NDRG1: variants seen among roughly 807,000 people sequenced by gnomAD.
The protein encoded by NDRG1 is protein NDRG1.
Under a neutral mutation model 56.9 loss-of-function variants are expected in NDRG1, and 32 were observed. The observed-to-expected ratio is 0.56, with a 90% CI of 0.42 to 0.76. The LOEUF (loss-of-function observed/expected upper bound fraction) is 0.76, where lower values mean the gene tolerates loss of function less well. NDRG1 is among the 30% of genes least tolerant of loss of function. The pLI is 0.00. For missense variants in NDRG1, 507 were observed against 545.7 expected (o/e 0.93, Z 0.71); for synonymous variants, 211 against 204.1 (o/e 1.03, Z -0.29).
intron 13 of NDRG1, 72 bp from the exon 14 acceptor site, chr8:133,244,462 G>A (rs1196740094): frequency 3.8e-5 from 60 of 1,580,380 alleles, no homozygotes; most frequent in East Asian, 4.5e-5. Flanking sequence ...AATTTTTTCC[G>A]AAAGGATGCC....
chr8:133,257,253 ATTAC>A (rs1187441708), intron 7 of NDRG1, among the ~76,000 whole-genome samples: 4 of 151,834 alleles, frequency 2.6e-5, no homozygotes, highest in Admixed American at 6.6e-5. Flanking sequence ...TAACAACTGT[ATTAC>A]TTACTTCCAG....
intron 3 of NDRG1, among the ~76,000 whole-genome samples, chr8:133,267,238 G>A (rs1563630425): frequency 1.3e-5 from 2 of 152,144 alleles, no homozygotes; most frequent in South Asian, 2.1e-4. Context: ...CACTTCACTC[G>A]CCTGCCCTGG....
Position 133,277,530 on chromosome 8 carries a change from A to G in NDRG1, c.99+2702T>C, listed in dbSNP as rs1857518813. ...TGCAGTGAGCCAAGATCGCACCACT[A>G]CACTCCAGCCTGGATGACAGAGCAA... On this transcript the variant is annotated intron_variant, in intron 3 of 15. Transcript: ENST00000323851. Among the ~76,000 whole-genome samples the G allele has an allele frequency of 1.3e-5, 2 of 152,146 alleles. 1 individual carries two copies. Among genetic ancestry groups the G allele is most frequent in the African/African-American group, 4.8e-5 (2 of 41,430 alleles).
chr8:133,244,421 A>G (rs758842928), intron 13 of NDRG1, 31 bp from the exon 14 acceptor site: 3 of 1,614,112 alleles, frequency 1.9e-6, no homozygotes, highest in Middle Eastern at 1.6e-4. Flanking sequence ...TTAGTGCCAA[A>G]CACCACAGCC....
intron 2 of NDRG1, among the ~76,000 whole-genome samples, chr8:133,283,049 C>G (rs1857903125): frequency 6.6e-6 from 1 of 152,208 alleles, no homozygotes; most frequent in African/African-American, 2.4e-5. Flanking sequence ...AACAGAGCAG[C>G]CACATGTAGA....
At chr8:133,276,118 T>G (rs985944034) in intron 3 of NDRG1, among the ~76,000 whole-genome samples, 54 of 152,188 alleles carry the variant, frequency 3.5e-4, no homozygotes, top group Admixed American at 3.5e-3. Context: ...TGCACAATGC[T>G]GGGAAATCTT....
chr8:133,278,887 C>A (rs1039339401), intron 3 of NDRG1, among the ~76,000 whole-genome samples: 1 of 125,614 alleles, frequency 8.0e-6, no homozygotes. Context: ...CTCTCTTCTT[C>A]TTTTTTTTTT....
At chr8:133,291,681 G>A (rs1352303623) in intron 1 of NDRG1, among the ~76,000 whole-genome samples, 2 of 152,176 alleles carry the variant, frequency 1.3e-5, no homozygotes. Context: ...ACAAATGTCA[G>A]AGAACAAAAC....
intron 1 of NDRG1, among the ~76,000 whole-genome samples, chr8:133,296,218 G>A (rs1176059639): frequency 1.3e-5 from 2 of 151,616 alleles, no homozygotes; most frequent in Admixed American, 6.6e-5. Context: ...TTCCCCCGTG[G>A]AGGGCAGGAG....
At chr8:133,286,766 C>G (rs1858138297) in intron 1 of NDRG1, among the ~76,000 whole-genome samples, 1 of 152,142 alleles carries the variant, frequency 6.6e-6, no homozygotes, top group East Asian at 1.9e-4. Context: ...ATTTATTGTC[C>G]CCCAAATGAT....
intron 4 of NDRG1, 146 bp from the exon 5 acceptor site, chr8:133,262,313 TG>T (rs1856701365): frequency 9.0e-7 from 1 of 1,105,534 alleles, no homozygotes; most frequent in African/African-American, 1.6e-5. Context: ...TGGCGTTTTT[TG>T]TTTTTTGGTT....
At chr8:133,261,691 G>C (rs1157285493) in intron 5 of NDRG1, among the ~76,000 whole-genome samples, 1 of 152,132 alleles carries the variant, frequency 6.6e-6, no homozygotes, top group Non-Finnish European at 1.5e-5. Flanking sequence ...TCCTGTCCAG[G>C]CTGAGCACAC....
At chr8:133,246,279 C>G (rs1855674536) in intron 13 of NDRG1, among the ~76,000 whole-genome samples, 1 of 152,220 alleles carries the variant, frequency 6.6e-6, no homozygotes, top group Non-Finnish European at 1.5e-5. Flanking sequence ...GGACACGTCT[C>G]TTCTTATTGT....
chr8:133,257,652 T>C (rs1200878870), intron 7 of NDRG1, among the ~76,000 whole-genome samples: 1 of 152,230 alleles, frequency 6.6e-6, no homozygotes, highest in East Asian at 1.9e-4. Flanking sequence ...CAGTCTGTCA[T>C]TGACCAAAAT....
chr8:133,258,271 T>C lies in NDRG1; in HGVS notation c.450+95A>G. 3 of 1,302,100 alleles carry C rather than the reference T, an allele frequency of 2.3e-6. No homozygotes were observed. In the South Asian group the frequency reaches 3.8e-5, roughly 17 times the overall value. The allele number at this position is 1,302,100 out of a possible 1,614,324, so 80.7% of individuals were successfully genotyped here. On this transcript the variant is annotated intron_variant, in intron 7 of 15. Coordinates refer to ENST00000323851, the MANE Select transcript of NDRG1 (RefSeq NM_006096.4). The stretch of plus-strand genomic sequence containing the variant: ...ACTGTGGAGAATACGGGTCATTTCT[T>C]TTTCCCTTTTGGGTTTTTGATGCTT...
At chr8:133,285,194 T>C (rs1292881076) in intron 1 of NDRG1, among the ~76,000 whole-genome samples, 14 of 152,090 alleles carry the variant, frequency 9.2e-5, no homozygotes, top group Non-Finnish European at 2.1e-4. Flanking sequence ...AAGAGCTGAA[T>C]CTAGAAACCA....
At chr8:133,255,184 G>A (rs1856300041) in intron 8 of NDRG1, 1 of 410,340 alleles carries the variant, frequency 2.4e-6, no homozygotes, top group South Asian at 1.8e-5. Flanking sequence ...GCAAAAATGA[G>A]TAGGAGAGAA....
chr8:133,281,808 T>A (rs1030222676), intron 2 of NDRG1, among the ~76,000 whole-genome samples: 1 of 152,114 alleles, frequency 6.6e-6, no homozygotes, highest in African/African-American at 2.4e-5. Flanking sequence ...TAAATTCAAG[T>A]GGAAACAAAC....
At chr8:133,283,273 G>A (rs1419564915) in intron 2 of NDRG1, among the ~76,000 whole-genome samples, 1 of 152,216 alleles carries the variant, frequency 6.6e-6, no homozygotes, top group African/African-American at 2.4e-5. Context: ...TGCAGGATGT[G>A]GTTAGTGCAT....
Sources: allele counts gnomAD v4.1 joint callset (sites outside exome capture counted in the v4.1 genomes callset), GRCh38; gene constraint gnomAD v4.1.1; transcripts MANE v1.5; gene names NCBI Gene and HGNC (gene_info 2026-07-23, HGNC 2026-07-21).